The following HNRNPM variants were observed in gnomAD, a reference collection of about 807,000 sequenced individuals.
HNRNPM encodes heterogeneous nuclear ribonucleoprotein M.
Under a neutral mutation model 73.1 loss-of-function variants are expected in HNRNPM, and 11 were observed. That is an observed-to-expected ratio of 0.15 (90% confidence interval 0.09 to 0.25). The LOEUF is 0.25. Among genes scored for constraint, HNRNPM ranks in the 10% least tolerant of loss-of-function variants. The pLI is 1.00. For missense variants in HNRNPM, 789 were observed against 1,067.9 expected (o/e 0.74, Z 3.64); for synonymous variants, 407 against 355.2 (o/e 1.15, Z -1.64).
In HNRNPM at chr19:8,475,271, C is replaced by T. The variant is rs539134255; in HGVS notation, c.1120+1027C>T. On this transcript the variant is annotated intron_variant, in intron 12 of 15. Coordinates refer to ENST00000325495, the MANE Select transcript of HNRNPM (RefSeq NM_005968.5). ...TTTTAGAAGTGCCTCCAGCACAGCA[C>T]TTGGCCCAGGGCACCAGCAGGGCTG... Among the ~76,000 whole-genome samples, 6 of 141,532 alleles carry T rather than the reference C, an allele frequency of 4.2e-5. No homozygotes were observed. The East Asian group carries it at 1.3e-3, about 31-fold the overall frequency. 92.9% of individuals were successfully genotyped at this position (141,532 alleles called of 152,430 possible).
At chr19:8,485,485 T>G (rs1599856316) in intron 13 of HNRNPM, 118 bp from the exon 14 acceptor site, 1 of 1,026,114 alleles carries the variant, frequency 9.7e-7, no homozygotes, top group East Asian at 2.4e-5. Flanking sequence ...GTCTTAATGG[T>G]AAATTATGGT....
chr19:8,480,950 G>A (rs972149408), intron 12 of HNRNPM, among the ~76,000 whole-genome samples: 6 of 152,128 alleles, frequency 3.9e-5, no homozygotes, highest in African/African-American at 7.2e-5. Flanking sequence ...CCCTCCTGCC[G>A]CTGTGATCAG....
chr19:8,446,175 T>C lies in HNRNPM; in HGVS notation c.113+1064T>C, dbSNP rs372037886. ...TAGACATAACGTAGACTTTGCCATT[T>C]TAACCATTTTTTAAGCGTATAATTC... On this transcript the variant is annotated intron_variant, in intron 1 of 15. Coordinates refer to ENST00000325495, the MANE Select transcript of HNRNPM (RefSeq NM_005968.5). 7.2e-5 allele frequency among the ~76,000 whole-genome samples: 11 copies of C among 152,312 alleles called. No individual in the cohort carries two copies. The South Asian group carries it at 1.5e-3, about 20-fold the overall frequency.
At chr19:8,471,264 C>T in intron 9 of HNRNPM, 62 bp from the exon 10 acceptor site, 1 of 1,047,214 alleles carries the variant, frequency 9.5e-7, no homozygotes. Flanking sequence ...ACACTCTTTT[C>T]CTTTGAGGGT....
Position 8,462,602 on chromosome 19 carries a change from C to T in HNRNPM, c.336+21C>T. The T allele has an allele frequency of 6.3e-7, 1 of 1,595,744 alleles. No homozygotes were observed. Among genetic ancestry groups the T allele is most frequent in the East Asian group, 2.2e-5 (1 of 44,800 alleles). On this transcript the variant is annotated intron_variant, in intron 3 of 15. Coordinates refer to ENST00000325495, the MANE Select transcript of HNRNPM (RefSeq NM_005968.5). This position sits in a 1 kb window ranked among gnomAD's most constrained non-coding sequence, Gnocchi z 4.5. ...CAAGGGTAAGTGTCTGAGAGAATTT[C>T]TTCTGTGGATTTACTACATGAAAAA...
Position 8,486,416 on chromosome 19 carries a change from C to T in HNRNPM, c.1977+11C>T, listed in dbSNP as rs752622234. The T allele has an allele frequency of 1.3e-6, 2 of 1,545,372 alleles. No individual in the cohort carries two copies. The highest frequency in any genetic ancestry group is 2.0e-5 in the Admixed American group (1 of 51,016). On this transcript the variant is annotated intron_variant, in intron 14 of 15. Transcript: ENST00000325495. ...ATATTTGTGAGAAATGTAAGTGGCT[C>T]TTGGGGAACTTCTTGGTGGTGGTGA...
chr19:8,447,503 G>A (rs114451087), intron 1 of HNRNPM, among the ~76,000 whole-genome samples: 2 of 152,152 alleles, frequency 1.3e-5, no homozygotes, highest in African/African-American at 2.4e-5. Context: ...ACAGGAAGAC[G>A]TGTGGAAGTG....
At chr19:8,461,647 C>A (rs1353205431) in intron 2 of HNRNPM, among the ~76,000 whole-genome samples, 1 of 151,948 alleles carries the variant, frequency 6.6e-6, no homozygotes, top group Non-Finnish European at 1.5e-5. Flanking sequence ...TGGTTTTTTC[C>A]CTTTTGTGTA....
Position 8,488,823 on chromosome 19 carries a change from A to G in HNRNPM, c.2162A>G (p.Glu721Gly). Residue 721 changes from glutamate (E) to glycine (G), a missense_variant, in exon 16 of 16, where the codon GAG becomes GGG. By Grantham distance (98) the Glu-to-Gly change is moderately conservative (BLOSUM62 -2). This residue lies in a region of HNRNPM where 43 missense variants were observed against 105.8 expected (regional missense o/e 0.41). Coordinates refer to ENST00000325495, the MANE Select transcript of HNRNPM (RefSeq NM_005968.5). ...AATGGCATGAAGCTGAGTGGCCGAGAGATTGACGTTCGAATTGATAGAAAC... is the reference window on the plus strand; with the variant it reads ...AATGGCATGAAGCTGAGTGGCCGAGGGATTGACGTTCGAATTGATAGAAAC... ...MMNGMKLSGREIDVRIDRNA is the reference protein window; with the variant it reads ...MMNGMKLSGRGIDVRIDRNA 6.2e-7 allele frequency: 1 copy of G among 1,614,108 alleles called. No individual in the cohort carries two copies. The highest frequency in any genetic ancestry group is 8.5e-7 in the Non-Finnish European group (1 of 1,179,994).
At chr19:8,465,292 G>A (rs779782291) in intron 5 of HNRNPM, 32 bp from the exon 6 acceptor site, 1 of 1,567,072 alleles carries the variant, frequency 6.4e-7, no homozygotes, top group Admixed American at 1.8e-5. Flanking sequence ...TACTGGGTCA[G>A]TTAAACGTAA....
chr19:8,464,290 A>G (rs1274197059), intron 5 of HNRNPM, among the ~76,000 whole-genome samples: 1 of 152,080 alleles, frequency 6.6e-6, no homozygotes, highest in Admixed American at 6.5e-5. Context: ...ACCTGCTTTC[A>G]CATCTCATCT....
At chr19:8,456,521 A>G (rs1969039856) in intron 2 of HNRNPM, among the ~76,000 whole-genome samples, 1 of 152,162 alleles carries the variant, frequency 6.6e-6, no homozygotes, top group Admixed American at 6.5e-5. Context: ...TCTTTGCATG[A>G]CTGAAAGGTA....
At position 8,456,296 on chromosome 19, in the gene HNRNPM, C is replaced by T. The variant is rs148196857; in HGVS notation, c.283+722C>T. On this transcript the variant is annotated intron_variant, in intron 2 of 15. Transcript: ENST00000325495. The stretch of plus-strand genomic sequence containing the variant: ...GGCCTGCCTCTGTGATCCTCACCCC[C>T]GTGCACACTGTGGTGTCCTCTCTCT... Among the ~76,000 whole-genome samples, 33 of 152,320 alleles carry T rather than the reference C, an allele frequency of 2.2e-4. No homozygotes were observed. In the East Asian group the frequency reaches 2.5e-3, roughly 12 times the overall value.
intron 1 of HNRNPM, among the ~76,000 whole-genome samples, chr19:8,454,681 C>CCG (rs1230871719): frequency 8.1e-6 from 1 of 123,666 alleles, no homozygotes; most frequent in Non-Finnish European, 1.8e-5. Flanking sequence ...ATGCCCCCCC[C>CCG]CCCTTTTTTT....
chr19:8,449,952 C>T (rs535355726), intron 1 of HNRNPM, among the ~76,000 whole-genome samples: 4 of 152,294 alleles, frequency 2.6e-5, no homozygotes, highest in African/African-American at 9.6e-5. Flanking sequence ...CCTAGATGAG[C>T]TGCTTTTTGT....
chr19:8,471,242 G>A, intron 9 of HNRNPM, 84 bp from the exon 10 acceptor site: 1 of 763,786 alleles, frequency 1.3e-6, no homozygotes. Flanking sequence ...GTGGATAGCT[G>A]CAACTCACTA....
intron 3 of HNRNPM, 52 bp from the exon 4 acceptor site, chr19:8,463,445 T>A: frequency 6.3e-7 from 1 of 1,598,104 alleles, no homozygotes; most frequent in Non-Finnish European, 8.6e-7. Flanking sequence ...ATTTTTTTCT[T>A]TTCTTTTTCC....
chr19:8,484,021 A>G (rs189892581), intron 13 of HNRNPM, among the ~76,000 whole-genome samples: 1 of 152,092 alleles, frequency 6.6e-6, no homozygotes, highest in Non-Finnish European at 1.5e-5. Context: ...GCATACCTCC[A>G]GAGTGCTGGG....
At chr19:8,455,786 TG>T (rs1242883159) in intron 2 of HNRNPM, among the ~76,000 whole-genome samples, 7 of 151,212 alleles carry the variant, frequency 4.6e-5, no homozygotes, top group Middle Eastern at 3.2e-3. Flanking sequence ...CATACCCCTG[TG>T]TGTCAAACAG....
Sources: gnomAD v4.1 joint callset for allele counts (sites outside exome capture counted in the v4.1 genomes callset) on GRCh38, gnomAD v4.1.1 for gene constraint, gnomAD v4.1.1 regional missense constraint, Gnocchi (gnomAD v3.1) non-coding constraint, MANE v1.5 for transcripts, NCBI Gene and HGNC (gene_info 2026-07-23, HGNC 2026-07-21) for gene names.